The following SUCLG2 variants were observed in gnomAD, a reference collection of about 807,000 sequenced individuals.
The protein encoded by SUCLG2 is succinate--CoA ligase [GDP-forming] subunit beta, mitochondrial.
In SUCLG2, 42 loss-of-function variants were observed where a neutral mutation model predicts 47.9. That is an observed-to-expected ratio of 0.88 (90% confidence interval 0.69 to 1.14). The LOEUF is 1.14. Ranked by LOEUF, SUCLG2 falls within the 50% of genes most tolerant of loss-of-function variation. The pLI is 0.00. For missense variants in SUCLG2, 571 were observed against 525.9 expected, an observed-to-expected ratio of 1.09 and a Z score of -0.84; for synonymous variants, 195 against 197.3, an observed-to-expected ratio of 0.99 and a Z score of 0.10.
intron 1 of SUCLG2, among the ~76,000 whole-genome samples, chr3:67,637,999 AC>A (rs1420496020): frequency 2.0e-5 from 3 of 152,236 alleles, no homozygotes; most frequent in Non-Finnish European, 4.4e-5. Flanking sequence ...AGTGCTGTTT[AC>A]TTTATAATTA....
At chr3:67,650,856 G>A (rs984664359) in intron 1 of SUCLG2, among the ~76,000 whole-genome samples, 3 of 152,204 alleles carry the variant, frequency 2.0e-5, no homozygotes, top group Non-Finnish European at 4.4e-5. Flanking sequence ...AATACCCTAA[G>A]AGACAACAAA....
chr3:67,501,045 C>T (rs1705482134), intron 7 of SUCLG2, among the ~76,000 whole-genome samples: 1 of 152,136 alleles, frequency 6.6e-6, no homozygotes, highest in African/African-American at 2.4e-5. Context: ...CAGAACTTTG[C>T]AGTTAACCCA....
intron 9 of SUCLG2, among the ~76,000 whole-genome samples, chr3:67,428,630 G>A (rs545419605): frequency 4.4e-4 from 67 of 152,268 alleles, no homozygotes; most frequent in Admixed American, 3.2e-3. Flanking sequence ...AGCTTCAGAC[G>A]ATCGGTAATA....
chr3:67,387,324 T>G (rs1280458210), intron 10 of SUCLG2, among the ~76,000 whole-genome samples: 1 of 152,222 alleles, frequency 6.6e-6, no homozygotes, highest in Non-Finnish European at 1.5e-5. Context: ...GATGTCAGAC[T>G]GTTTTCAGGG....
intron 2 of SUCLG2, among the ~76,000 whole-genome samples, chr3:67,538,180 T>C (rs1706598986): frequency 6.6e-6 from 1 of 152,228 alleles, no homozygotes; most frequent in Non-Finnish European, 1.5e-5. Flanking sequence ...CTAGGCTTTC[T>C]TGTAGGGTTT....
At chr3:67,592,718 C>CAAAAAAAAAAAAAAAAAAAA (rs754866312) in intron 2 of SUCLG2, among the ~76,000 whole-genome samples, 2 of 80,258 alleles carry the variant, frequency 2.5e-5, no homozygotes, top group African/African-American at 1.2e-4. Context: ...TCACATCCTC[C>CAAAAAAAAAAAAAAAAAAAA]AAAAAAAAAA....
intron 2 of SUCLG2, among the ~76,000 whole-genome samples, chr3:67,549,854 C>CT (rs925588985): frequency 6.3e-4 from 94 of 148,624 alleles, no homozygotes; most frequent in African/African-American, 2.1e-3. Context: ...TAAATTTTTT[C>CT]TTTTTTTTTT....
intron 1 of SUCLG2, among the ~76,000 whole-genome samples, chr3:67,631,814 T>C (rs537927949): frequency 6.6e-6 from 1 of 152,322 alleles, no homozygotes; most frequent in Non-Finnish European, 1.5e-5. Flanking sequence ...CATTCACCAA[T>C]GCATTTCCCA....
intron 2 of SUCLG2, among the ~76,000 whole-genome samples, chr3:67,570,090 A>T (rs1194972985): frequency 6.6e-6 from 1 of 152,218 alleles, no homozygotes; most frequent in Non-Finnish European, 1.5e-5. Flanking sequence ...CATCAGGGAC[A>T]GGAGTGCCCA....
At chr3:67,548,310 A>C (rs1326806807) in intron 2 of SUCLG2, among the ~76,000 whole-genome samples, 1 of 152,212 alleles carries the variant, frequency 6.6e-6, no homozygotes, top group Non-Finnish European at 1.5e-5. Context: ...CCAATCACAT[A>C]GAAATGTCAA....
intron 10 of SUCLG2, among the ~76,000 whole-genome samples, chr3:67,381,585 T>C (rs1702159235): frequency 6.6e-6 from 1 of 152,218 alleles, no homozygotes. Context: ...TACATTGCTT[T>C]TTAATGAGCC....
chr3:67,433,940 T>TA (rs536974422), intron 9 of SUCLG2, among the ~76,000 whole-genome samples: 1 of 151,878 alleles, frequency 6.6e-6, no homozygotes, highest in African/African-American at 2.4e-5. Flanking sequence ...AAATTGTAGT[T>TA]AAAAAAAAGC....
At chr3:67,543,657 C>T (rs1027598836) in intron 2 of SUCLG2, among the ~76,000 whole-genome samples, 2 of 152,008 alleles carry the variant, frequency 1.3e-5, no homozygotes, top group African/African-American at 4.8e-5. Context: ...AGAGTGAGAC[C>T]CTGTCTCAAA....
At chr3:67,408,028 C>G (rs1702854212) in intron 9 of SUCLG2, among the ~76,000 whole-genome samples, 1 of 152,076 alleles carries the variant, frequency 6.6e-6, no homozygotes, top group African/African-American at 2.4e-5. Context: ...TAGATTCAGT[C>G]AATAAGGAAG....
At chr3:67,606,337 A>T (rs1700418837) in intron 2 of SUCLG2, among the ~76,000 whole-genome samples, 1 of 152,244 alleles carries the variant, frequency 6.6e-6, no homozygotes, top group African/African-American at 2.4e-5. Context: ...ATCTCCAGGA[A>T]TATCTCAAAG....
chr3:67,606,798 C>A (rs563876296), intron 2 of SUCLG2, among the ~76,000 whole-genome samples: 15 of 152,294 alleles, frequency 9.8e-5, no homozygotes, highest in African/African-American at 3.6e-4. Context: ...AACATAAATT[C>A]TATGAAGAAA....
At chr3:67,474,569 C>G (rs747313196) in intron 9 of SUCLG2, among the ~76,000 whole-genome samples, 2 of 152,154 alleles carry the variant, frequency 1.3e-5, no homozygotes, top group Non-Finnish European at 2.9e-5. Flanking sequence ...TATGATATTG[C>G]TTTCTTTCAC....
chr3:67,379,030 T>C (rs868858253), intron 10 of SUCLG2, among the ~76,000 whole-genome samples: 10 of 152,180 alleles, frequency 6.6e-5, no homozygotes, highest in South Asian at 2.1e-4. Flanking sequence ...CACTGCAACC[T>C]TCACCTCCCT....
At chr3:67,479,658 G>A (rs1366574867) in intron 9 of SUCLG2, among the ~76,000 whole-genome samples, 1 of 152,220 alleles carries the variant, frequency 6.6e-6, no homozygotes, top group Admixed American at 6.5e-5. Context: ...AATGCACGAA[G>A]AGCAGTAATA....
Sources: gnomAD v4.1 joint callset for allele counts (sites outside exome capture counted in the v4.1 genomes callset) on GRCh38, gnomAD v4.1.1 for gene constraint, MANE v1.5 for transcripts, NCBI Gene and HGNC (gene_info 2026-07-23, HGNC 2026-07-21) for gene names.